The following FAM135B variants were observed in gnomAD, a reference collection of about 807,000 sequenced individuals.
The protein encoded by FAM135B is protein FAM135B.
A neutral mutation model predicts 127.7 loss-of-function variants in FAM135B; 43 were observed. The observed-to-expected ratio is 0.34, with a 90% CI of 0.26 to 0.43. The LOEUF is 0.43. Among genes scored for constraint, FAM135B ranks in the 20% least tolerant of loss-of-function variants. The pLI is 1.00. For synonymous variants in FAM135B, 670 were observed against 665.1 expected, an observed-to-expected ratio of 1.01 and a Z score of -0.11; for missense variants, 1,558 against 1,725.6, an observed-to-expected ratio of 0.90 and a Z score of 1.72.
At position 138,152,252 on chromosome 8, in the gene FAM135B, G is replaced by A. The variant is rs375012240; in HGVS notation, c.2223C>T (p.Ser741=). The part of the protein sequence containing the change: ...GHTESNTSLP[S]GIQASLTSIS... ...TGGAGGTGAGAGAAGCCTGGATGCC[G>A]CTTGGCAAACTTGTGTTACTTTCTG... Residue 741 remains serine (S), a synonymous_variant, in exon 13 of 20, where the codon AGC becomes AGT. Coordinates refer to ENST00000395297, the MANE Select transcript of FAM135B (RefSeq NM_015912.4). The A allele has an allele frequency of 3.0e-5, 48 of 1,613,998 alleles. No homozygotes were observed. The highest frequency in any genetic ancestry group is 6.7e-5 in the African/African-American group (5 of 74,916).
chr8:138,386,875 G>C (rs1283096808), intron 1 of FAM135B, among the ~76,000 whole-genome samples: 4 of 152,034 alleles, frequency 2.6e-5, no homozygotes, highest in Non-Finnish European at 4.4e-5. Context: ...GAATGAGACG[G>C]GAGTTCAAGA....
chr8:138,208,265 T>C (rs1179392403), intron 7 of FAM135B, among the ~76,000 whole-genome samples: 1 of 152,184 alleles, frequency 6.6e-6, no homozygotes, highest in African/African-American at 2.4e-5. Context: ...ATAGCAGTTT[T>C]ATATGCTGGA....
At chr8:138,491,576 C>T (rs879768432) in intron 1 of FAM135B, among the ~76,000 whole-genome samples, 3 of 152,234 alleles carry the variant, frequency 2.0e-5, no homozygotes, top group Admixed American at 2.0e-4. Context: ...CCAGCATCTA[C>T]TCTGGCACGG....
At chr8:138,268,584 A>G (rs1422647915) in intron 3 of FAM135B, among the ~76,000 whole-genome samples, 1 of 151,718 alleles carries the variant, frequency 6.6e-6, no homozygotes, top group Non-Finnish European at 1.5e-5. Flanking sequence ...CTGGGACAAC[A>G]CTCCCTGCTT....
intron 1 of FAM135B, among the ~76,000 whole-genome samples, chr8:138,479,770 T>C (rs1814698722): frequency 6.6e-6 from 1 of 152,170 alleles, no homozygotes; most frequent in Non-Finnish European, 1.5e-5. Flanking sequence ...CTATAGTAGG[T>C]GCTTATTAAT....
rs1169854203 is a variant in FAM135B at position 138,131,647 on chromosome 8, AGAG to A, written c.*943_*945del. ...TTTAGATGTTTTCCTCCTTCCATGG[AGAG>A]GAGAAGCAGCTGGCCACTTTAATGG... is the stretch of plus-strand genomic sequence containing the variant. On this transcript the variant is annotated 3_prime_UTR_variant, in exon 20 of 20. Transcript: ENST00000395297. 1.3e-5 allele frequency: 2 copies of A among 152,610 alleles called. No individual in the cohort carries two copies. The highest frequency in any genetic ancestry group is 4.8e-5 in the African/African-American group (2 of 41,432). The allele number at this position is 152,610 out of a possible 1,614,324, so 9.5% of individuals were successfully genotyped here.
At chr8:138,403,511 T>C (rs1002443286) in intron 1 of FAM135B, among the ~76,000 whole-genome samples, 1 of 152,210 alleles carries the variant, frequency 6.6e-6, no homozygotes, top group Non-Finnish European at 1.5e-5. Flanking sequence ...TTTCCTCATA[T>C]TGTTACACAG....
chr8:138,227,282 A>G (rs1819530871), intron 7 of FAM135B, among the ~76,000 whole-genome samples: 1 of 152,238 alleles, frequency 6.6e-6, no homozygotes, highest in South Asian at 2.1e-4. Flanking sequence ...GGAAATAATA[A>G]CAAAGTCAGC....
At chr8:138,285,134 ATTTTTTTTTTTTTTTT>A (rs386414180) in intron 3 of FAM135B, among the ~76,000 whole-genome samples, 3 of 54,748 alleles carry the variant, frequency 5.5e-5, no homozygotes, top group South Asian at 1.4e-3. Flanking sequence ...GGCTCTACTA[ATTTTTTTTTTTTTTTT>A]TTTTTTTTTT....
At chr8:138,439,237 C>T (rs1323950921) in intron 1 of FAM135B, 1 of 152,130 alleles carries the variant, frequency 6.6e-6, no homozygotes, top group Non-Finnish European at 1.5e-5. Context: ...TACAAAGAAC[C>T]TGCATGTAAA....
chr8:138,133,353 A>G (rs1379600611), intron 19 of FAM135B, among the ~76,000 whole-genome samples: 1 of 152,184 alleles, frequency 6.6e-6, no homozygotes, highest in Non-Finnish European at 1.5e-5. Flanking sequence ...CCTGAAAGTG[A>G]CACAGTTGCA....
At chr8:138,433,958 C>T (rs1445777953) in intron 1 of FAM135B, among the ~76,000 whole-genome samples, 6 of 152,182 alleles carry the variant, frequency 3.9e-5, no homozygotes, top group African/African-American at 9.7e-5. Flanking sequence ...AAGACACAAA[C>T]GCATCCACCT....
At chr8:138,435,316 GA>G (rs951015938) in intron 1 of FAM135B, among the ~76,000 whole-genome samples, 1 of 150,308 alleles carries the variant, frequency 6.7e-6, no homozygotes, top group African/African-American at 2.4e-5. Context: ...AAAAGAAAAA[GA>G]AAAAAAAAGA....
intron 2 of FAM135B, among the ~76,000 whole-genome samples, chr8:138,357,245 A>C (rs1257417930): frequency 6.6e-6 from 1 of 152,308 alleles, no homozygotes; most frequent in Admixed American, 6.5e-5. Context: ...ATGCTCTTAA[A>C]TGCATTATAA....
chr8:138,389,303 G>A lies in FAM135B; in HGVS notation c.-19-21301C>T, dbSNP rs183139460. On this transcript the variant is annotated intron_variant, in intron 1 of 19. Transcript: ENST00000395297. ...ACACGACCCAGCAATCCCATTCTGG[G>A]TATGTATACACAAGAGAAGTGAAAC... Among the ~76,000 whole-genome samples the A allele has an allele frequency of 2.0e-5, 3 of 152,276 alleles. No homozygotes were observed. In the East Asian group the frequency reaches 5.8e-4, roughly 29 times the overall value.
At position 138,490,432 on chromosome 8, in the gene FAM135B, A is replaced by G. The variant is rs569628633; in HGVS notation, c.-20+6239T>C. ...CAGGGCCCATCAGGAAAGTGAGCCT[A>G]GCCCTGGAGACATGGAAGAGGGCAT... On this transcript the variant is annotated intron_variant, in intron 1 of 19. Coordinates refer to ENST00000395297, the MANE Select transcript of FAM135B (RefSeq NM_015912.4). Among the ~76,000 whole-genome samples the G allele has an allele frequency of 1.3e-3, 198 of 152,336 alleles. 2 individuals are homozygous for G. Among genetic ancestry groups the G allele is most frequent in the African/African-American group, 4.6e-3 (193 of 41,588 alleles).
chr8:138,202,245 G>GT (rs5895501), intron 7 of FAM135B, among the ~76,000 whole-genome samples: 185 of 150,300 alleles, frequency 1.2e-3, no homozygotes, highest in Non-Finnish European at 1.5e-3. Context: ...CAAACAGTCT[G>GT]TTTTTTTTTT....
At chr8:138,426,757 A>G (rs943942094) in intron 1 of FAM135B, among the ~76,000 whole-genome samples, 13 of 152,000 alleles carry the variant, frequency 8.6e-5, no homozygotes, top group Non-Finnish European at 1.8e-4. Flanking sequence ...GAGTAGACCT[A>G]AACACATATT....
chr8:138,226,189 G>GCGCGCGCGCGCGCA (rs1237791346), intron 7 of FAM135B, among the ~76,000 whole-genome samples: 1 of 147,966 alleles, frequency 6.8e-6, no homozygotes, highest in African/African-American at 2.5e-5. Context: ...GTGTGTGCGC[G>GCGCGCGCGCGCGCA]CATGTCATTT....
Sources: gnomAD v4.1 joint callset for allele counts (sites outside exome capture counted in the v4.1 genomes callset) on GRCh38, gnomAD v4.1.1 for gene constraint, MANE v1.5 for transcripts, NCBI Gene and HGNC (gene_info 2026-07-23, HGNC 2026-07-21) for gene names.